The following PDZD2 variants were observed in gnomAD, a reference collection of about 807,000 sequenced individuals.
PDZD2 encodes the protein PDZ domain-containing protein 2.
In PDZD2, 90 loss-of-function variants were observed where a neutral mutation model predicts 220.7. The ratio of observed to expected loss-of-function variants is 0.41; its 90% CI spans 0.34 to 0.49. PDZD2 has a LOEUF of 0.49. Among genes scored for constraint, PDZD2 ranks in the 20% least tolerant of loss-of-function variants. The pLI, the probability that PDZD2 is intolerant of heterozygous loss-of-function variation, is 0.28. For synonymous variants in PDZD2, 1,375 were observed against 1,450.5 expected, an observed-to-expected ratio of 0.95 and a Z score of 1.18; for missense variants, 3,174 against 3,608.5, an observed-to-expected ratio of 0.88 and a Z score of 3.08.
At chr5:31,879,646 T>C (rs1035211160) in intron 2 of PDZD2, among the ~76,000 whole-genome samples, 1 of 152,130 alleles carries the variant, frequency 6.6e-6, no homozygotes, top group African/African-American at 2.4e-5. Context: ...TTCTATTGCC[T>C]TGTCCTTCCT....
chr5:31,732,616 C>T (rs540364560), intron 1 of PDZD2, among the ~76,000 whole-genome samples: 186 of 152,324 alleles, frequency 1.2e-3, no homozygotes, highest in Non-Finnish European at 2.2e-3. Flanking sequence ...AATTTGCTAT[C>T]TAAGAGATTG....
rs245269 is a variant in PDZD2, at chr5:32,060,693, C to A, written c.2319-309C>A. Among the ~76,000 whole-genome samples, 5 of 152,108 alleles carry A rather than the reference C, an allele frequency of 3.3e-5. No homozygotes were observed. The South Asian group carries it at 1.0e-3, about 31-fold the overall frequency. Reference sequence around the variant, plus strand: ...GCTTTGTTATACAGCATGCTTTGTACAGTGCCTGGCATATAGTATATGCTC... The same window carrying A: ...GCTTTGTTATACAGCATGCTTTGTAAAGTGCCTGGCATATAGTATATGCTC... On this transcript the variant is annotated intron_variant, in intron 13 of 24. Transcript: ENST00000438447.
intron 2 of PDZD2, among the ~76,000 whole-genome samples, chr5:31,880,888 G>A (rs985048779): frequency 7.9e-6 from 1 of 126,064 alleles, no homozygotes; most frequent in East Asian, 2.8e-4. Context: ...TGCAACCTCC[G>A]CCTCCCAGGT....
chr5:32,088,527 A>C lies in PDZD2; in HGVS notation c.5079A>C (p.Ala1693=). 1 of 1,614,162 alleles carries C rather than the reference A, an allele frequency of 6.2e-7. No individual in the cohort carries two copies. Among genetic ancestry groups the C allele is most frequent in the Non-Finnish European group, 8.5e-7 (1 of 1,179,988 alleles). ...STSQNHRPSC[A]EETTEVTSAS... The stretch of plus-strand genomic sequence containing the variant: ...CACAGAACCACAGGCCCTCGTGTGC[A>C]GAAGAAACCACAGAAGTCACCAGCG... The change falls in exon 20 of 25, where the codon GCA becomes GCC. Residue 1693 remains alanine (A), a synonymous_variant. Transcript: ENST00000438447. This position sits in a 1 kb window ranked among gnomAD's most constrained non-coding sequence, Gnocchi z 4.6.
intron 3 of PDZD2, among the ~76,000 whole-genome samples, chr5:31,989,428 T>TTTTTTTTTTTTATTTATTTATTTATTTA (rs1561277986): frequency 1.5e-4 from 22 of 146,578 alleles, no homozygotes; most frequent in African/African-American, 4.9e-4. Flanking sequence ...TTTCTTTTTT[T>TTTTTTTTTTTTATTTATTTATTTATTTA]TTTTTTTTTT....
chr5:31,693,770 G>A (rs796823885), intron 1 of PDZD2, among the ~76,000 whole-genome samples: 10 of 152,264 alleles, frequency 6.6e-5, no homozygotes, highest in African/African-American at 2.4e-4. Context: ...AGTTAATGAA[G>A]GGACCGTCAG....
intron 5 of PDZD2, among the ~76,000 whole-genome samples, chr5:32,003,837 A>C (rs376920209): frequency 3.3e-5 from 5 of 151,916 alleles, no homozygotes; most frequent in African/African-American, 1.2e-4. Flanking sequence ...TCAGCCTCCC[A>C]AGTAGCTGGG....
At chr5:31,707,375 A>G (rs947897578) in intron 1 of PDZD2, among the ~76,000 whole-genome samples, 1 of 152,152 alleles carries the variant, frequency 6.6e-6, no homozygotes, top group East Asian at 1.9e-4. Context: ...AAGAAGAGGT[A>G]GAGAAACCAG....
intron 1 of PDZD2, among the ~76,000 whole-genome samples, chr5:31,672,698 T>A (rs1160818841): frequency 6.6e-6 from 1 of 152,196 alleles, no homozygotes; most frequent in Non-Finnish European, 1.5e-5. Context: ...GAAGGGCACC[T>A]TCCTTATGGA....
chr5:31,981,401 G>A (rs1275002316), intron 2 of PDZD2, among the ~76,000 whole-genome samples: 1 of 152,194 alleles, frequency 6.6e-6, no homozygotes, highest in African/African-American at 2.4e-5. Context: ...TGCATTTCAA[G>A]CACATCTGGT....
intron 2 of PDZD2, among the ~76,000 whole-genome samples, chr5:31,897,110 C>T (rs1232062974): frequency 6.6e-6 from 1 of 151,294 alleles, no homozygotes; most frequent in Non-Finnish European, 1.5e-5. Context: ...GTCTATACAT[C>T]ACTCGTGAAA....
chr5:31,850,268 A>C (rs1412022363), intron 2 of PDZD2, among the ~76,000 whole-genome samples: 1 of 147,300 alleles, frequency 6.8e-6, no homozygotes, highest in Non-Finnish European at 1.5e-5. Context: ...ACACATATAT[A>C]TACTTATCAT....
At chr5:31,725,088 TG>T in intron 1 of PDZD2, among the ~76,000 whole-genome samples, 2 of 152,106 alleles carry the variant, frequency 1.3e-5, no homozygotes, top group South Asian at 4.2e-4. Context: ...CCCAGCATTC[TG>T]GGGGGCTAAG....
At chr5:31,823,149 C>T (rs368530935) in intron 2 of PDZD2, 6 of 122,932 alleles carry the variant, frequency 4.9e-5, no homozygotes, top group South Asian at 3.8e-4. Flanking sequence ...TCGCAGTAGA[C>T]GTGGCAAAAA....
rs866073032 is a variant in PDZD2, at chr5:32,028,688, T to G, written c.1408-8543T>G. On this transcript the variant is annotated intron_variant, in intron 6 of 24. Transcript: ENST00000438447. ...TTTTTTTTTTTTGTTTTTTTTGTTTTTTTTTTTTTTTGAGACAGAGTCTCG... is the reference window on the plus strand; with the variant it reads ...TTTTTTTTTTTTGTTTTTTTTGTTTGTTTTTTTTTTTGAGACAGAGTCTCG... 1.5e-4 allele frequency among the ~76,000 whole-genome samples: 22 copies of G among 148,462 alleles called. No homozygotes were observed. In the South Asian group the frequency reaches 4.3e-3, roughly 29 times the overall value.
chr5:31,856,935 T>A (rs11750762), intron 2 of PDZD2, among the ~76,000 whole-genome samples: 4,016 of 107,846 alleles, frequency 0.037, 54 homozygotes, highest in Middle Eastern at 0.079. Flanking sequence ...TATATATATA[T>A]AACTTTAAAA....
At chr5:32,102,629 A>C (rs1744359862) in intron 24 of PDZD2, among the ~76,000 whole-genome samples, 2 of 152,112 alleles carry the variant, frequency 1.3e-5, no homozygotes, top group African/African-American at 4.8e-5. Flanking sequence ...CTCGACTATA[A>C]GAGCCCTCAC....
At position 32,061,086 on chromosome 5, in the gene PDZD2, C is replaced by T. The variant is rs2112344208; in HGVS notation, c.2403C>T (p.Cys801=). The change falls in exon 14 of 25, where the codon TGC becomes TGT. Residue 801 remains cysteine (C), a synonymous_variant. Coordinates refer to ENST00000438447, the MANE Select transcript of PDZD2 (RefSeq NM_178140.4). ...LSKVHAILSK[C]PPGPVRLVIG... is the part of the protein sequence containing the mutation. ...AAGTCCACGCCATCTTGAGTAAATGCCCTCCAGGACCCGTTCGCCTTGTCA... is the reference window on the plus strand; with the variant it reads ...AAGTCCACGCCATCTTGAGTAAATGTCCTCCAGGACCCGTTCGCCTTGTCA... The T allele has an allele frequency of 1.2e-6, 2 of 1,614,056 alleles. No homozygotes were observed. Among genetic ancestry groups the T allele is most frequent in the South Asian group, 2.2e-5 (2 of 91,088 alleles).
intron 2 of PDZD2, among the ~76,000 whole-genome samples, chr5:31,979,808 A>C (rs1250854484): frequency 6.6e-6 from 1 of 152,182 alleles, no homozygotes; most frequent in East Asian, 1.9e-4. Flanking sequence ...AGAATTGCAC[A>C]GTGGGCAGAG....
Sources: allele counts gnomAD v4.1 joint callset (sites outside exome capture counted in the v4.1 genomes callset), GRCh38; gene constraint gnomAD v4.1.1; non-coding constraint Gnocchi (gnomAD v3.1); transcripts MANE v1.5; gene names NCBI Gene and HGNC (gene_info 2026-07-23, HGNC 2026-07-21).